The following DPP6 variants were observed in gnomAD, a reference collection of about 807,000 sequenced individuals.
DPP6 encodes the protein dipeptidyl peptidase like 6, also known as A-type potassium channel modulatory protein DPP6.
In DPP6, 69 loss-of-function variants were observed where a neutral mutation model predicts 122.6. That is an observed-to-expected ratio of 0.56 (90% CI 0.46 to 0.69). The LOEUF is 0.69. Among genes scored for constraint, DPP6 ranks in the 30% least tolerant of loss-of-function variants. The probability of loss-of-function intolerance (pLI) is 0.00; values close to 1 mark genes in which losing one functional copy is unlikely to be tolerated. For synonymous variants in DPP6, 418 were observed against 433.1 expected (o/e 0.97, Z 0.43); for missense variants, 928 against 1,116.9 (o/e 0.83, Z 2.41).
chr7:154,006,457 G>A (rs1018104402), intron 1 of DPP6, among the ~76,000 whole-genome samples: 4 of 152,100 alleles, frequency 2.6e-5, no homozygotes, highest in Admixed American at 6.5e-5. Flanking sequence ...ATGTCCACAG[G>A]TGTGCTCAAC....
intron 1 of DPP6, among the ~76,000 whole-genome samples, chr7:154,269,259 G>C (rs1375889203): frequency 6.6e-6 from 1 of 152,148 alleles, no homozygotes; most frequent in Non-Finnish European, 1.5e-5. Flanking sequence ...AAGTGGAAAG[G>C]AGTTCCACTT....
intron 1 of DPP6, among the ~76,000 whole-genome samples, chr7:154,235,314 T>G (rs1801141458): frequency 6.6e-6 from 1 of 152,178 alleles, no homozygotes; most frequent in African/African-American, 2.4e-5. Flanking sequence ...AGCGTCATGT[T>G]TTCAAGGCTC....
the DPP6 span, among the ~76,000 whole-genome samples, chr7:153,823,261 C>G: frequency 6.6e-6 from 1 of 151,358 alleles, no homozygotes; most frequent in African/African-American, 2.4e-5. Context: ...TGAGTCTTGA[C>G]GGAGGGGAGA....
At chr7:154,096,387 A>C (rs1207237886) in intron 1 of DPP6, among the ~76,000 whole-genome samples, 2 of 121,770 alleles carry the variant, frequency 1.6e-5, no homozygotes, top group African/African-American at 3.2e-5. Flanking sequence ...CAACCTGGTA[A>C]TTCCAGTTCT....
At chr7:154,690,622 AC>A (rs1199171762) in intron 7 of DPP6, among the ~76,000 whole-genome samples, 2 of 150,516 alleles carry the variant, frequency 1.3e-5, no homozygotes, top group Admixed American at 1.3e-4. Flanking sequence ...AACCCAAACC[AC>A]CCCCCACCCC....
At chr7:153,985,979 C>T (rs1315544990) in intron 1 of DPP6, among the ~76,000 whole-genome samples, 1 of 152,178 alleles carries the variant, frequency 6.6e-6, no homozygotes, top group African/African-American at 2.4e-5. Flanking sequence ...TCTGAGTAAT[C>T]ACAGACACCC....
At chr7:154,885,571 G>T in intron 21 of DPP6, 62 bp from the exon 22 acceptor site, 1 of 1,537,866 alleles carries the variant, frequency 6.5e-7, no homozygotes, top group Non-Finnish European at 8.8e-7. Context: ...CCCTGCCCGA[G>T]GCTGCTTCAT....
chr7:154,263,197 A>G (rs924065056), intron 1 of DPP6, among the ~76,000 whole-genome samples: 10 of 152,174 alleles, frequency 6.6e-5, no homozygotes, highest in African/African-American at 2.2e-4. Context: ...GAGAAAACAG[A>G]TTGGAAGAAC....
intron 21 of DPP6, chr7:154,885,419 G>T: frequency 1.7e-6 from 1 of 595,040 alleles, no homozygotes; most frequent in Non-Finnish European, 2.8e-6. Flanking sequence ...GCCCAGAAGC[G>T]GAGAAGGCGC....
At chr7:153,861,857 A>G in the DPP6 span, among the ~76,000 whole-genome samples, 1 of 152,208 alleles carries the variant, frequency 6.6e-6, no homozygotes, top group Non-Finnish European at 1.5e-5. Context: ...AGATGGAGTA[A>G]CCCAAACGGC....
At chr7:153,835,064 G>A in the DPP6 span, among the ~76,000 whole-genome samples, 1 of 152,206 alleles carries the variant, frequency 6.6e-6, no homozygotes, top group African/African-American at 2.4e-5. Context: ...TGTTATATAT[G>A]CAGATAACAG....
chr7:154,383,204 A>C (rs1236432443), intron 1 of DPP6, among the ~76,000 whole-genome samples: 1 of 152,234 alleles, frequency 6.6e-6, no homozygotes, highest in Non-Finnish European at 1.5e-5. Flanking sequence ...TCAGAAAACT[A>C]TTAATATATA....
chr7:154,466,444 G>A (rs1186395833), intron 2 of DPP6, among the ~76,000 whole-genome samples: 1 of 152,214 alleles, frequency 6.6e-6, no homozygotes, highest in East Asian at 1.9e-4. Context: ...GGTTTATGGT[G>A]AAGTCTCCCT....
chr7:154,177,282 C>T (rs753427014), intron 1 of DPP6, among the ~76,000 whole-genome samples: 34 of 151,946 alleles, frequency 2.2e-4, no homozygotes, highest in Non-Finnish European at 4.1e-4. Context: ...ACAATATTAC[C>T]GCATAGATAA....
chr7:154,870,280 C>T (rs898594414), intron 18 of DPP6, among the ~76,000 whole-genome samples: 1 of 151,900 alleles, frequency 6.6e-6, no homozygotes, highest in African/African-American at 2.4e-5. Context: ...TCATGCCCAG[C>T]CTAGAGGAGG....
At chr7:153,762,721 G>A in the DPP6 span, among the ~76,000 whole-genome samples, 8 of 152,114 alleles carry the variant, frequency 5.3e-5, no homozygotes, top group South Asian at 2.1e-4. Flanking sequence ...TGGAGGTTGC[G>A]GTGAGCCAAA....
intron 1 of DPP6, among the ~76,000 whole-genome samples, chr7:154,079,911 C>T (rs1427488864): frequency 6.6e-6 from 1 of 151,574 alleles, no homozygotes; most frequent in Non-Finnish European, 1.5e-5. Flanking sequence ...GAGAATGGAC[C>T]TGGTCTGTGA....
chr7:154,226,381 C>T (rs1800604544), intron 1 of DPP6, among the ~76,000 whole-genome samples: 1 of 152,136 alleles, frequency 6.6e-6, no homozygotes, highest in Non-Finnish European at 1.5e-5. Flanking sequence ...GGGTTCCTGA[C>T]CACAGCAGAA....
intron 25 of DPP6, among the ~76,000 whole-genome samples, chr7:154,891,672 G>A (rs778955053): frequency 2.4e-4 from 37 of 152,108 alleles, no homozygotes; most frequent in Non-Finnish European, 2.1e-4. Context: ...AGCAACCTCC[G>A]CCTCCTGGGT....
Sources: gnomAD v4.1 joint callset for allele counts (sites outside exome capture counted in the v4.1 genomes callset) on GRCh38, gnomAD v4.1.1 for gene constraint, MANE v1.5 for transcripts, NCBI Gene and HGNC (gene_info 2026-07-23, HGNC 2026-07-21) for gene names.